Variants in SPOCK3 observed in about 807,000 individuals in gnomAD.
SPOCK3 encodes the protein SPARC (osteonectin), cwcv and kazal like domains proteoglycan 3.
A neutral mutation model predicts 56.6 loss-of-function variants in SPOCK3; 30 were observed. That is an observed-to-expected ratio of 0.53 (90% confidence interval 0.40 to 0.72). SPOCK3 has a LOEUF of 0.72. SPOCK3 is among the 30% of genes least tolerant of loss of function. The pLI, the probability that SPOCK3 is intolerant of heterozygous loss-of-function variation, is 0.00. For synonymous variants in SPOCK3, 196 were observed against 183.3 expected (o/e 1.07, Z -0.56); for missense variants, 527 against 530.0 (o/e 0.99, Z 0.06).
At chr4:167,130,221 C>T (rs1580384647) in intron 2 of SPOCK3, among the ~76,000 whole-genome samples, 2 of 152,260 alleles carry the variant, frequency 1.3e-5, no homozygotes, top group African/African-American at 4.8e-5. Flanking sequence ...CTGCCTCAGC[C>T]TCCCAAAACA....
intron 4 of SPOCK3, among the ~76,000 whole-genome samples, chr4:166,988,129 G>A (rs115312646): frequency 0.013 from 1,931 of 152,164 alleles, 19 homozygotes; most frequent in Non-Finnish European, 0.019. Context: ...AGAAATGATG[G>A]TTCTAGAGCT....
chr4:167,018,456 C>T (rs1228257743), intron 3 of SPOCK3, among the ~76,000 whole-genome samples: 2 of 152,068 alleles, frequency 1.3e-5, no homozygotes, highest in South Asian at 2.1e-4. Flanking sequence ...CCTCCACTCA[C>T]TAAATATGGT....
intron 3 of SPOCK3, among the ~76,000 whole-genome samples, chr4:167,010,391 T>C (rs1344458194): frequency 7.2e-5 from 11 of 151,822 alleles, no homozygotes; most frequent in South Asian, 4.2e-4. Context: ...GTGGTGGCCA[T>C]GCCTGTAGTC....
intron 2 of SPOCK3, among the ~76,000 whole-genome samples, chr4:167,096,954 T>C (rs1257846637): frequency 2.0e-5 from 3 of 151,866 alleles, no homozygotes; most frequent in African/African-American, 7.2e-5. Flanking sequence ...GGTACATACA[T>C]GTTTAGTATT....
At chr4:167,046,970 TATG>T (rs1235368463) in intron 3 of SPOCK3, among the ~76,000 whole-genome samples, 1 of 152,140 alleles carries the variant, frequency 6.6e-6, no homozygotes, top group East Asian at 1.9e-4. Flanking sequence ...GTGAAGAGTA[TATG>T]ATATTTATCT....
At chr4:166,883,157 A>G (rs1422710286) in intron 6 of SPOCK3, 1 of 152,206 alleles carries the variant, frequency 6.6e-6, no homozygotes, top group African/African-American at 2.4e-5. Flanking sequence ...AAAATGGCAT[A>G]CATTAATTCT....
At chr4:167,012,315 A>G (rs926198765) in intron 3 of SPOCK3, among the ~76,000 whole-genome samples, 1 of 151,908 alleles carries the variant, frequency 6.6e-6, no homozygotes, top group African/African-American at 2.4e-5. Flanking sequence ...TGGAAAAAAA[A>G]GTTGTATATG....
At chr4:166,916,634 C>A (rs552996691) in intron 4 of SPOCK3, among the ~76,000 whole-genome samples, 2 of 151,672 alleles carry the variant, frequency 1.3e-5, no homozygotes, top group African/African-American at 4.8e-5. Context: ...ATGATGTTAC[C>A]AAAATGGTTA....
chr4:167,166,786 A>C (rs1427154268), intron 2 of SPOCK3, among the ~76,000 whole-genome samples: 1 of 152,106 alleles, frequency 6.6e-6, no homozygotes, highest in Non-Finnish European at 1.5e-5. Context: ...GAAAATGGCA[A>C]TGGTTTTAAA....
intron 7 of SPOCK3, among the ~76,000 whole-genome samples, chr4:166,767,877 A>T (rs1441800511): frequency 3.3e-5 from 5 of 152,126 alleles, no homozygotes; most frequent in Non-Finnish European, 7.3e-5. Flanking sequence ...ATGCTCCCAT[A>T]TTGGGTGCAT....
intron 2 of SPOCK3, among the ~76,000 whole-genome samples, chr4:167,076,793 GT>G (rs1757221906): frequency 6.6e-6 from 1 of 151,594 alleles, no homozygotes; most frequent in Non-Finnish European, 1.5e-5. Context: ...AGACAATAAT[GT>G]ATAACAAGAA....
intron 3 of SPOCK3, among the ~76,000 whole-genome samples, chr4:167,031,634 A>C: frequency 6.6e-6 from 1 of 152,026 alleles, no homozygotes. Flanking sequence ...AGCAAAGAAA[A>C]ACTAGAGACA....
chr4:166,755,185 A>T (rs1736913774), intron 7 of SPOCK3, among the ~76,000 whole-genome samples: 1 of 152,172 alleles, frequency 6.6e-6, no homozygotes. Context: ...TAATAACTTT[A>T]ATAATTCCCT....
chr4:167,027,791 C>G (rs1751839952), intron 3 of SPOCK3, among the ~76,000 whole-genome samples: 1 of 151,936 alleles, frequency 6.6e-6, no homozygotes, highest in Non-Finnish European at 1.5e-5. Flanking sequence ...TTCTCGTTGT[C>G]TTCAAGTTGA....
intron 5 of SPOCK3, among the ~76,000 whole-genome samples, chr4:166,910,596 T>G (rs764759569): frequency 6.6e-5 from 10 of 152,142 alleles, no homozygotes; most frequent in Non-Finnish European, 1.2e-4. Context: ...TCTTATCAAG[T>G]AGAATTCCAC....
At chr4:166,945,571 T>C (rs988696278) in intron 4 of SPOCK3, among the ~76,000 whole-genome samples, 1 of 152,150 alleles carries the variant, frequency 6.6e-6, no homozygotes, top group African/African-American at 2.4e-5. Context: ...CCCATCAACA[T>C]ATAGCCATCA....
At chr4:166,843,520 ATC>A (rs1747728986) in intron 6 of SPOCK3, among the ~76,000 whole-genome samples, 1 of 152,202 alleles carries the variant, frequency 6.6e-6, no homozygotes, top group Admixed American at 6.5e-5. Context: ...AGCAAAAATT[ATC>A]TTACTCGTCT....
At chr4:166,762,394 C>T (rs1286459143) in intron 7 of SPOCK3, among the ~76,000 whole-genome samples, 2 of 151,936 alleles carry the variant, frequency 1.3e-5, no homozygotes, top group Admixed American at 1.3e-4. Flanking sequence ...GCCCTTGATC[C>T]AAAGTATAAA....
chr4:166,763,943 C>T (rs1378577147), intron 7 of SPOCK3, among the ~76,000 whole-genome samples: 1 of 152,072 alleles, frequency 6.6e-6, no homozygotes, highest in East Asian at 1.9e-4. Flanking sequence ...ATCTGCAGTT[C>T]CTTTCTTGGG....
Sources: gnomAD v4.1 joint callset for allele counts (sites outside exome capture counted in the v4.1 genomes callset) on GRCh38, gnomAD v4.1.1 for gene constraint, MANE v1.5 for transcripts, NCBI Gene and HGNC (gene_info 2026-07-23, HGNC 2026-07-21) for gene names.